The following TENM4 variants were observed in gnomAD, a reference collection of about 807,000 sequenced individuals.
TENM4 encodes the protein teneurin transmembrane protein 4, also known as teneurin-4.
Under a neutral mutation model 243.3 loss-of-function variants are expected in TENM4, and 82 were observed. The observed-to-expected ratio is 0.34, with a 90% confidence interval of 0.28 to 0.40. The LOEUF (loss-of-function observed/expected upper bound fraction) is 0.40. TENM4 is among the 10% of genes least tolerant of loss of function. The pLI is 1.00. For missense variants in TENM4, 3,138 were observed against 3,673.3 expected (o/e 0.85, Z 3.77); for synonymous variants, 1,412 against 1,456.3 (o/e 0.97, Z 0.69).
At chr11:79,404,134 T>G (rs1858519482) in intron 1 of TENM4, among the ~76,000 whole-genome samples, 1 of 152,262 alleles carries the variant, frequency 6.6e-6, no homozygotes, top group Non-Finnish European at 1.5e-5. Context: ...TCATCTGGAC[T>G]AAAGCTGGAT....
chr11:79,371,489 C>G (rs1857785698), intron 1 of TENM4, among the ~76,000 whole-genome samples: 1 of 152,222 alleles, frequency 6.6e-6, no homozygotes. Context: ...CCCTGAAACA[C>G]AGTGCTCACC....
intron 1 of TENM4, among the ~76,000 whole-genome samples, chr11:79,385,434 T>G (rs1305318491): frequency 3.3e-5 from 5 of 152,218 alleles, no homozygotes; most frequent in Non-Finnish European, 7.3e-5. Context: ...AGCTAGGTTA[T>G]TAAACCCTCT....
intron 18 of TENM4, among the ~76,000 whole-genome samples, chr11:78,762,328 G>C (rs1350922831): frequency 6.6e-6 from 1 of 152,036 alleles, no homozygotes; most frequent in Non-Finnish European, 1.5e-5. Flanking sequence ...GCCCTATACT[G>C]GCCCCTCCCT....
rs150263364 is a variant in TENM4, at chr11:79,157,138, T to C, written c.-162-8332A>G. On this transcript the variant is annotated intron_variant, in intron 3 of 33. Transcript: ENST00000278550. ...TGGGACAGTGCAGGAGCTCCCCAGT[T>C]AGTAGCAGTGCAGGACACAGAGCCC... 5.5e-3 allele frequency among the ~76,000 whole-genome samples: 831 copies of C among 152,206 alleles called. 16 individuals carry two copies. The South Asian group carries it at 0.057, about 10-fold the overall frequency.
intron 1 of TENM4, among the ~76,000 whole-genome samples, chr11:79,346,601 T>A (rs1485818062): frequency 2.0e-5 from 3 of 152,180 alleles, no homozygotes; most frequent in Non-Finnish European, 4.4e-5. Flanking sequence ...CAAAAAGATC[T>A]ACCATGTCCC....
intron 6 of TENM4, among the ~76,000 whole-genome samples, chr11:78,973,600 G>T (rs549229810): frequency 5.3e-5 from 8 of 152,148 alleles, no homozygotes; most frequent in Non-Finnish European, 1.0e-4. Context: ...GTCAGGCAGT[G>T]TTCTAGGCAT....
chr11:78,660,121 C>T (rs898111364), intron 33 of TENM4, among the ~76,000 whole-genome samples: 3 of 152,158 alleles, frequency 2.0e-5, no homozygotes. Flanking sequence ...AGGAGCTGTG[C>T]TGCAGTGCTC....
intron 16 of TENM4, among the ~76,000 whole-genome samples, chr11:78,785,602 T>A (rs1790548): frequency 6.6e-6 from 1 of 152,018 alleles, no homozygotes; most frequent in African/African-American, 2.4e-5. Context: ...GTAAGGAGGA[T>A]AAAATAATGC....
At chr11:79,383,590 A>G (rs1190375737) in intron 1 of TENM4, among the ~76,000 whole-genome samples, 1 of 152,160 alleles carries the variant, frequency 6.6e-6, no homozygotes, top group Non-Finnish European at 1.5e-5. Flanking sequence ...GTGTGTCTTC[A>G]TGTTCTGTGC....
At position 78,676,362 on chromosome 11, in the gene TENM4, G is replaced by A. The variant is rs542215743; in HGVS notation, c.5286C>T (p.Ile1762=). ...GCAGCCGCAAGGAGCCATCGGCCCC[G>A]ATGTAGTAGCTGTTCCGGACTTGGT... ...LQDQVRNSYY[I]GADGSLRLLL... is the part of the protein sequence containing the mutation. The change falls in exon 30 of 34, where the codon ATC becomes ATT. Residue 1762 remains isoleucine (I), a synonymous_variant. Transcript: ENST00000278550. 91 of 1,604,494 alleles carry A rather than the reference G, an allele frequency of 5.7e-5. No homozygotes were observed. Among genetic ancestry groups the A allele is most frequent in the Non-Finnish European group, 6.9e-5 (81 of 1,172,292 alleles).
intron 15 of TENM4, among the ~76,000 whole-genome samples, chr11:78,796,096 G>A (rs986798924): frequency 6.6e-6 from 1 of 152,008 alleles, no homozygotes; most frequent in Admixed American, 6.5e-5. Context: ...TTCAAACCAA[G>A]CAGAAAAGTG....
intron 4 of TENM4, among the ~76,000 whole-genome samples, chr11:79,111,070 T>A (rs573489146): frequency 5.3e-5 from 8 of 152,186 alleles, no homozygotes; most frequent in African/African-American, 1.9e-4. Context: ...ATCATGGGGG[T>A]GGATTCCCCC....
At chr11:78,827,774 C>T (rs994189460) in intron 12 of TENM4, among the ~76,000 whole-genome samples, 1 of 152,198 alleles carries the variant, frequency 6.6e-6, no homozygotes, top group Non-Finnish European at 1.5e-5. Context: ...CAGGCGTGAG[C>T]CACTGCGCCC....
intron 2 of TENM4, among the ~76,000 whole-genome samples, chr11:79,258,713 A>G (rs572065698): frequency 6.6e-6 from 1 of 152,320 alleles, no homozygotes; most frequent in African/African-American, 2.4e-5. Context: ...TAACAGAGCC[A>G]GGGGCTTAAG....
At chr11:79,106,846 A>T (rs1208854284) in intron 4 of TENM4, among the ~76,000 whole-genome samples, 1 of 152,232 alleles carries the variant, frequency 6.6e-6, no homozygotes, top group African/African-American at 2.4e-5. Flanking sequence ...CAAGTGAGCT[A>T]TAATGTAAGT....
intron 31 of TENM4, among the ~76,000 whole-genome samples, chr11:78,671,112 A>G (rs1342046161): frequency 6.6e-6 from 1 of 152,178 alleles, no homozygotes; most frequent in Admixed American, 6.5e-5. Flanking sequence ...ACCATATTTG[A>G]GAAGGGCATT....
intron 2 of TENM4, among the ~76,000 whole-genome samples, chr11:79,280,689 A>G (rs1052353521): frequency 6.6e-6 from 1 of 152,072 alleles, no homozygotes; most frequent in African/African-American, 2.4e-5. Context: ...AACCCTCCTG[A>G]AGCTCTTTTC....
intron 3 of TENM4, among the ~76,000 whole-genome samples, chr11:79,185,509 T>G (rs1362432299): frequency 6.6e-6 from 1 of 152,142 alleles, no homozygotes; most frequent in African/African-American, 2.4e-5. Context: ...ACCAGCCAAT[T>G]TTCATATTGT....
chr11:78,759,066 T>C (rs1165153665), intron 18 of TENM4, among the ~76,000 whole-genome samples: 1 of 152,188 alleles, frequency 6.6e-6, no homozygotes, highest in Non-Finnish European at 1.5e-5. Flanking sequence ...ACTTAGAACA[T>C]GGCTCACCAA....
Sources: allele counts gnomAD v4.1 joint callset (sites outside exome capture counted in the v4.1 genomes callset), GRCh38; gene constraint gnomAD v4.1.1; transcripts MANE v1.5; gene names NCBI Gene and HGNC (gene_info 2026-07-23, HGNC 2026-07-21).